KLK5: variants seen among roughly 807,000 people sequenced by gnomAD.
KLK5 encodes kallikrein-5.
A neutral mutation model predicts 24.0 loss-of-function variants in KLK5; 18 were observed. The ratio of observed to expected loss-of-function variants is 0.75; its 90% CI spans 0.52 to 1.11. The LOEUF (loss-of-function observed/expected upper bound fraction) is 1.11. Ranked by LOEUF, KLK5 falls within the 50% of genes most tolerant of loss-of-function variation. The pLI, the probability that KLK5 is intolerant of heterozygous loss-of-function variation, is 0.00. For synonymous variants in KLK5, 140 were observed against 154.0 expected, an observed-to-expected ratio of 0.91 and a Z score of 0.67; for missense variants, 374 against 379.2, an observed-to-expected ratio of 0.99 and a Z score of 0.11.
Position 50,948,641 on chromosome 19 carries a change from T to G in KLK5, c.725A>C (p.Gln242Pro), listed in dbSNP as rs746505919. The G allele has an allele frequency of 2.1e-5, 34 of 1,614,016 alleles. No individual in the cohort carries two copies. In the African/African-American group the frequency reaches 4.0e-4, roughly 19 times the overall value. ...AGDKAGRDSC[Q>P]GDSGGPVVCN... ...CTGAATAAAGAGAGGTGTCCTCACCTGGCAGGAGTCTCTACCTGCTTTGTC... is the reference window on the plus strand; with the variant it reads ...CTGAATAAAGAGAGGTGTCCTCACCGGGCAGGAGTCTCTACCTGCTTTGTC... The change falls in exon 5 of 6, where the codon CAG becomes CCG. Residue 242 changes from glutamine (Q) to proline (P), a missense_variant and splice_region_variant. Transcript: ENST00000336334.
intron 5 of KLK5, among the ~76,000 whole-genome samples, chr19:50,945,631 G>GAAA (rs57848074): frequency 8.9e-4 from 129 of 144,154 alleles, no homozygotes; most frequent in African/African-American, 2.1e-3. Flanking sequence ...CATCTCTACG[G>GAAA]AAAAAAAAAA....
rs1446340467 is a variant in KLK5 at position 50,950,890 on chromosome 19, C to A, written c.74-774G>T. Among the ~76,000 whole-genome samples the A allele has an allele frequency of 5.0e-3, 497 of 99,936 alleles. 1 individual carries two copies. Among genetic ancestry groups the A allele is most frequent in the Middle Eastern group, 6.2e-3 (1 of 162 alleles). 65.6% of individuals were successfully genotyped at this position (99,936 alleles called of 152,430 possible). ...CTGGGAGAGAGAGCAAGACTGTCTC[C>A]AAAAAAAAAAAAAAAAAAGCTCTGA... On this transcript the variant is annotated intron_variant, in intron 2 of 5. Coordinates refer to ENST00000336334, the MANE Select transcript of KLK5 (RefSeq NM_012427.5).
rs1187774753 is a variant in KLK5, at chr19:50,948,957, G to C, written c.494C>G (p.Pro165Arg). ...MLIKLNRRIR[P>R]TKDVRPINVS... ...GTTGATGGGTCTGACATCTTTAGTGGGACGAATTCTTCTGTTCAGTTTGAT... is the reference window on the plus strand; with the variant it reads ...GTTGATGGGTCTGACATCTTTAGTGCGACGAATTCTTCTGTTCAGTTTGAT... Residue 165 changes from proline (P) to arginine (R), a missense_variant, in exon 4 of 6, where the codon CCC becomes CGC. Physicochemically the swap from Pro to Arg is moderately radical, Grantham distance 103. Coordinates refer to ENST00000336334, the MANE Select transcript of KLK5 (RefSeq NM_012427.5). 1.2e-6 allele frequency: 2 copies of C among 1,613,924 alleles called. No individual in the cohort carries two copies. The highest frequency in any genetic ancestry group is 3.3e-5 in the Admixed American group (2 of 59,980).
At chr19:50,944,832 G>A (rs566066919) in intron 5 of KLK5, among the ~76,000 whole-genome samples, 35 of 152,100 alleles carry the variant, frequency 2.3e-4, no homozygotes, top group African/African-American at 7.0e-4. Context: ...AAATCCATTC[G>A]CTTGGACTAA....
chr19:50,948,797 A>T (rs1265304740), intron 4 of KLK5, 24 bp from the exon 5 acceptor site: 14 of 1,613,950 alleles, frequency 8.7e-6, no homozygotes, highest in Non-Finnish European at 1.1e-5. Flanking sequence ...ACACAATGAG[A>T]AGTGGAGAAA....
chr19:50,943,412 C>T lies in KLK5; in HGVS notation c.*219G>A. The stretch of plus-strand genomic sequence containing the variant: ...CCCCAGGGAGATTGAGACGCAACCC[C>T]CGCCCTGGACAGTTTTGGAAATTGT... On this transcript the variant is annotated 3_prime_UTR_variant, in exon 6 of 6. Transcript: ENST00000336334. 1 of 475,310 alleles carries T rather than the reference C, an allele frequency of 2.1e-6. No homozygotes were observed. The highest frequency in any genetic ancestry group is 3.5e-5 in the Admixed American group (1 of 28,226). 29.4% of individuals were successfully genotyped at this position (475,310 alleles called of 1,614,324 possible).
At chr19:50,944,929 T>C (rs4802761) in intron 5 of KLK5, among the ~76,000 whole-genome samples, 30,125 of 151,880 alleles carry the variant, frequency 0.2, 3,099 homozygotes, top group Middle Eastern at 0.25. Flanking sequence ...GTCATTTTTT[T>C]CCCTCTTTTC....
intron 5 of KLK5, 107 bp downstream of exon 5, chr19:50,948,533 G>A (rs1288463557): frequency 1.7e-5 from 18 of 1,073,078 alleles, no homozygotes; most frequent in Non-Finnish European, 2.4e-5. Context: ...TGAGAACAGG[G>A]GTCCTGACTG....
At chr19:50,945,621 C>T (rs1252293590) in intron 5 of KLK5, among the ~76,000 whole-genome samples, 1 of 136,954 alleles carries the variant, frequency 7.3e-6, no homozygotes, top group African/African-American at 2.6e-5. Context: ...GGTGGAACCC[C>T]ATCTCTACGG....
intron 2 of KLK5, among the ~76,000 whole-genome samples, chr19:50,951,557 C>T (rs1028632317): frequency 3.3e-5 from 5 of 152,190 alleles, no homozygotes; most frequent in Non-Finnish European, 4.4e-5. Flanking sequence ...CAGGCGTGAG[C>T]CACCGCGCCC....
rs2090645709 is a variant in KLK5, at chr19:50,947,467, T to C, written c.726+1173A>G. Among the ~76,000 whole-genome samples, 1 of 152,208 alleles carries C rather than the reference T, an allele frequency of 6.6e-6. No individual in the cohort carries two copies. Among genetic ancestry groups the C allele is most frequent in the African/African-American group, 2.4e-5 (1 of 41,466 alleles). On this transcript the variant is annotated intron_variant, in intron 5 of 5. Coordinates refer to ENST00000336334, the MANE Select transcript of KLK5 (RefSeq NM_012427.5). This position sits in a 1 kb window ranked among gnomAD's most constrained non-coding sequence, Gnocchi z 8.7. ...GCTCCCCTGACCACCTTTTTGAATA[T>C]TGGCCCTTATTGTTTACTATCCTAA... is the stretch of plus-strand genomic sequence containing the variant.
chr19:50,943,921 A>T (rs1483343196), intron 5 of KLK5, 135 bp from the exon 6 acceptor site: 1 of 606,884 alleles, frequency 1.6e-6, no homozygotes, highest in African/African-American at 1.9e-5. Context: ...AAGTACAGAG[A>T]TGAAGAAATG....
At chr19:50,945,197 C>T (rs936115128) in intron 5 of KLK5, among the ~76,000 whole-genome samples, 1 of 151,446 alleles carries the variant, frequency 6.6e-6, no homozygotes, top group Non-Finnish European at 1.5e-5. Flanking sequence ...CAGCCTCAAA[C>T]GTTTGGGCTC....
At chr19:50,950,719 C>T (rs530849076) in intron 2 of KLK5, among the ~76,000 whole-genome samples, 27 of 152,160 alleles carry the variant, frequency 1.8e-4, no homozygotes, top group Admixed American at 1.4e-3. Context: ...AGGTGAAACC[C>T]TGTCTCTACT....
At chr19:50,951,188 C>G (rs1175524347) in intron 2 of KLK5, among the ~76,000 whole-genome samples, 1 of 152,164 alleles carries the variant, frequency 6.6e-6, no homozygotes, top group Non-Finnish European at 1.5e-5. Context: ...ATCTCCTCCT[C>G]TCACACACAG....
Position 50,948,766 on chromosome 19 carries a change from G to A in KLK5, c.600C>T (p.Phe200=). The A allele has an allele frequency of 2.5e-6, 4 of 1,614,144 alleles. No individual in the cohort carries two copies. The highest frequency in any genetic ancestry group is 3.4e-6 in the Non-Finnish European group (4 of 1,180,032). ...WGTTKSPQVH[F]PKVLQCLNIS... ...TATTCAAGCACTGGAGGACCTTAGGGAAGTGCACTGTCAAACAGGAACACA... is the reference window on the plus strand; with the variant it reads ...TATTCAAGCACTGGAGGACCTTAGGAAAGTGCACTGTCAAACAGGAACACA... Residue 200 remains phenylalanine, a synonymous_variant, in exon 5 of 6, where the codon TTC becomes TTT. Transcript: ENST00000336334.
chr19:50,944,279 T>G (rs2090612578), intron 5 of KLK5, among the ~76,000 whole-genome samples: 1 of 152,158 alleles, frequency 6.6e-6, no homozygotes, highest in East Asian at 1.9e-4. Flanking sequence ...GTGTTGGGAT[T>G]ACAGGCGTGA....
intron 5 of KLK5, among the ~76,000 whole-genome samples, chr19:50,945,273 TA>T (rs1447803679): frequency 1.5e-5 from 1 of 66,704 alleles, no homozygotes; most frequent in African/African-American, 1.3e-4. Flanking sequence ...CACACCCGGC[TA>T]ATTTTTTTTT....
rs906197652 is a variant in KLK5 at position 50,950,062 on chromosome 19, G to T, written c.128C>A (p.Pro43His). 6.2e-7 allele frequency: 1 copy of T among 1,613,734 alleles called. No individual in the cohort carries two copies. The highest frequency in any genetic ancestry group is 1.3e-5 in the African/African-American group (1 of 74,848). ...TCCCAGGTCCTGGTTGCTCCCAGAGGGCACGGTGTTAGAGGGGTGGTCACA... is the reference window on the plus strand; with the variant it reads ...TCCCAGGTCCTGGTTGCTCCCAGAGTGCACGGTGTTAGAGGGGTGGTCACA... ...VSCDHPSNTV[P>H]SGSNQDLGAG... The change falls in exon 3 of 6, where the codon CCC (proline) becomes CAC (histidine). Residue 43 changes from proline to histidine, a missense_variant. Transcript: ENST00000336334.
Sources: allele counts gnomAD v4.1 joint callset (sites outside exome capture counted in the v4.1 genomes callset), GRCh38; gene constraint gnomAD v4.1.1; non-coding constraint Gnocchi (gnomAD v3.1); transcripts MANE v1.5; gene names NCBI Gene and HGNC (gene_info 2026-07-23, HGNC 2026-07-21).